The following FBLN1 variants were observed in gnomAD, a reference collection of about 807,000 sequenced individuals.
FBLN1 encodes fibulin 1, also known as fibulin-1.
Under a neutral mutation model 89.7 loss-of-function variants are expected in FBLN1, and 34 were observed. That is an observed-to-expected ratio of 0.38 (90% CI 0.29 to 0.50). The LOEUF (loss-of-function observed/expected upper bound fraction) is 0.50, where lower values mean the gene tolerates loss of function less well. Among genes scored for constraint, FBLN1 ranks in the 20% least tolerant of loss-of-function variants. The pLI is 0.92. For synonymous variants in FBLN1, 393 were observed against 391.3 expected, an observed-to-expected ratio of 1.00 and a Z score of -0.05; for missense variants, 777 against 988.1, an observed-to-expected ratio of 0.79 and a Z score of 2.86.
chr22:45,563,111 C>T lies in FBLN1; in HGVS notation c.1698-11400C>T, dbSNP rs766906122. 2.0e-5 allele frequency: 33 copies of T among 1,613,380 alleles called. No individual in the cohort carries two copies. The highest frequency in any genetic ancestry group is 3.3e-5 in the Admixed American group (2 of 60,016). ...CAATGAGGAGGGCTTTTTCACCACCCGGAAGGTGAGCCCCCACAGTGGGGT... is the reference window on the plus strand; with the variant it reads ...CAATGAGGAGGGCTTTTTCACCACCTGGAAGGTGAGCCCCCACAGTGGGGT... On this transcript the variant is annotated intron_variant, in intron 14 of 16. Coordinates refer to ENST00000327858, the MANE Select transcript of FBLN1 (RefSeq NM_006486.3). The surrounding 1 kb of genome is among the most constrained non-coding windows in gnomAD (Gnocchi z 5.7).
chr22:45,557,253 C>T lies in FBLN1; in HGVS notation c.1697+6638C>T, dbSNP rs573907862. On this transcript the variant is annotated intron_variant, in intron 14 of 16. Transcript: ENST00000327858. The surrounding 1 kb of genome is among the most constrained non-coding windows in gnomAD (Gnocchi z 4.9). ...GTGGATAAGGCATTCTGTGAACCCA[C>T]GGATGGTAGTCTTGGCAGAAGCATC... is the stretch of plus-strand genomic sequence containing the variant. Among the ~76,000 whole-genome samples the T allele has an allele frequency of 6.6e-6, 1 of 152,170 alleles. No individual in the cohort carries two copies. Among genetic ancestry groups the T allele is most frequent in the African/African-American group, 2.4e-5 (1 of 41,444 alleles).
intron 14 of FBLN1, among the ~76,000 whole-genome samples, chr22:45,552,319 G>A (rs908592760): frequency 2.0e-5 from 3 of 152,174 alleles, no homozygotes; most frequent in East Asian, 3.8e-4. Flanking sequence ...ACACATGTGC[G>A]GTGAAATGGG....
rs1383081437 is a variant in FBLN1 at position 45,562,320 on chromosome 22, C to T, written c.1697+11705C>T. On this transcript the variant is annotated intron_variant, in intron 14 of 16. Transcript: ENST00000327858. The surrounding 1 kb of genome is among the most constrained non-coding windows in gnomAD (Gnocchi z 7.8). ...CAATGGCTGAGTAGCGATATGGCTC[C>T]CTCACTCACTCTGTGACCTTGGGAA... Among the ~76,000 whole-genome samples the T allele has an allele frequency of 6.6e-6, 1 of 152,224 alleles. No individual in the cohort carries two copies. Among genetic ancestry groups the T allele is most frequent in the Non-Finnish European group, 1.5e-5 (1 of 68,030 alleles).
chr22:45,556,276 G>A lies in FBLN1; in HGVS notation c.1697+5661G>A, dbSNP rs975485915. On this transcript the variant is annotated intron_variant, in intron 14 of 16. Transcript: ENST00000327858. The surrounding 1 kb of genome is among the most constrained non-coding windows in gnomAD (Gnocchi z 4.6). ...CTCCCAAAATGCTGGGATTACAGTC[G>A]TGAGCCACAGCACCTGGCCATGTTT... is the stretch of plus-strand genomic sequence containing the variant. Among the ~76,000 whole-genome samples the A allele has an allele frequency of 6.6e-6, 1 of 152,120 alleles. No homozygotes were observed. The highest frequency in any genetic ancestry group is 1.5e-5 in the Non-Finnish European group (1 of 68,032).
chr22:45,556,666 G>A lies in FBLN1; in HGVS notation c.1697+6051G>A, dbSNP rs902021540. 6.6e-6 allele frequency among the ~76,000 whole-genome samples: 1 copy of A among 152,070 alleles called. No homozygotes were observed. The highest frequency in any genetic ancestry group is 2.4e-5 in the African/African-American group (1 of 41,408). On this transcript the variant is annotated intron_variant, in intron 14 of 16. Transcript: ENST00000327858. This position sits in a 1 kb window ranked among gnomAD's most constrained non-coding sequence, Gnocchi z 4.6. ...GACTGATTTCATCTTGATAGTCTGG[G>A]TCAGCCACCCCAGCCAACACTGTAA...
chr22:45,526,961 A>G (rs1265875845), intron 3 of FBLN1, among the ~76,000 whole-genome samples: 1 of 152,172 alleles, frequency 6.6e-6, no homozygotes, highest in Non-Finnish European at 1.5e-5. Flanking sequence ...GTGGGAACAG[A>G]TCTCTCTGGC....
chr22:45,553,525 T>G (rs73442939), intron 14 of FBLN1, among the ~76,000 whole-genome samples: 2 of 152,356 alleles, frequency 1.3e-5, no homozygotes, highest in South Asian at 4.1e-4. Flanking sequence ...CAGACAGTTA[T>G]GTTTCTGGTG....
At chr22:45,512,803 G>A (rs758419418) in intron 1 of FBLN1, among the ~76,000 whole-genome samples, 69 of 152,212 alleles carry the variant, frequency 4.5e-4, no homozygotes, top group Middle Eastern at 3.4e-3. Flanking sequence ...TGTCCCCCAG[G>A]CTGGAGTGTA....
chr22:45,597,892 A>AT lies in FBLN1; in HGVS notation c.1973-2415_1973-2414insT, dbSNP rs752897202. On this transcript the variant is annotated intron_variant, in intron 16 of 16. Coordinates refer to ENST00000327858, the MANE Select transcript of FBLN1 (RefSeq NM_006486.3). The surrounding 1 kb of genome is among the most constrained non-coding windows in gnomAD (Gnocchi z 4.2). ...TTGAAACATAAGCCCAGAGAGCGAA[A>AT]GGGGGGAACGTTGTGCCCAGATTCT... Among the ~76,000 whole-genome samples the AT allele has an allele frequency of 7.9e-5, 12 of 152,136 alleles. No individual in the cohort carries two copies. Among genetic ancestry groups the AT allele is most frequent in the Non-Finnish European group, 1.5e-4 (10 of 68,018 alleles).
At chr22:45,599,090 C>T (rs1286825427) in intron 16 of FBLN1, among the ~76,000 whole-genome samples, 1 of 152,232 alleles carries the variant, frequency 6.6e-6, no homozygotes, top group Non-Finnish European at 1.5e-5. Context: ...TACCCGCTAA[C>T]CCGGATCCCC....
rs2089034292 is a variant in FBLN1 at position 45,580,615 on chromosome 22, G to A, written c.1972+3507G>A. On this transcript the variant is annotated intron_variant, in intron 16 of 16. Coordinates refer to ENST00000327858, the MANE Select transcript of FBLN1 (RefSeq NM_006486.3). The surrounding 1 kb of genome is among the most constrained non-coding windows in gnomAD (Gnocchi z 8.6). ...ATTTGCCCGAGGCCACTCAGAGCTG[G>A]GGCCAGAGCGGGCCTGGAGCCCGGT... Among the ~76,000 whole-genome samples, 1 of 152,244 alleles carries A rather than the reference G, an allele frequency of 6.6e-6. No individual in the cohort carries two copies. Among genetic ancestry groups the A allele is most frequent in the Admixed American group, 6.5e-5 (1 of 15,282 alleles).
intron 16 of FBLN1, among the ~76,000 whole-genome samples, chr22:45,596,202 G>A (rs2089184812): frequency 6.6e-6 from 1 of 152,208 alleles, no homozygotes; most frequent in Non-Finnish European, 1.5e-5. Flanking sequence ...GTTCATAGAA[G>A]AGGAAATTGA....
rs1272929182 is a variant in FBLN1 at position 45,588,275 on chromosome 22, T to G, written c.1972+11167T>G. On this transcript the variant is annotated intron_variant, in intron 16 of 16. Coordinates refer to ENST00000327858, the MANE Select transcript of FBLN1 (RefSeq NM_006486.3). The surrounding 1 kb of genome is among the most constrained non-coding windows in gnomAD (Gnocchi z 5.1). Reference sequence around the variant, plus strand: ...GCTCCAGGCAGAGGGAATGGCAGAGTGCTGGAGTGGCCATGCCTGGGGAAC... The same window carrying G: ...GCTCCAGGCAGAGGGAATGGCAGAGGGCTGGAGTGGCCATGCCTGGGGAAC... 6.6e-6 allele frequency among the ~76,000 whole-genome samples: 1 copy of G among 152,038 alleles called. No individual in the cohort carries two copies. The highest frequency in any genetic ancestry group is 1.5e-5 in the Non-Finnish European group (1 of 67,982).
intron 8 of FBLN1, among the ~76,000 whole-genome samples, chr22:45,540,191 G>A (rs1320956817): frequency 6.6e-6 from 1 of 152,188 alleles, no homozygotes; most frequent in Non-Finnish European, 1.5e-5. Flanking sequence ...CTAGACCTAG[G>A]CCCTGGTTGG....
intron 16 of FBLN1, among the ~76,000 whole-genome samples, chr22:45,593,244 T>C (rs888988962): frequency 1.5e-5 from 2 of 129,518 alleles, no homozygotes; most frequent in African/African-American, 5.9e-5. Context: ...AGCTGAAAGA[T>C]GGCTTCGAGA....
rs546767269 is a variant in FBLN1 at position 45,600,129 on chromosome 22, A to T, written c.1973-178A>T. Among the ~76,000 whole-genome samples the T allele has an allele frequency of 1.4e-4, 21 of 152,346 alleles. No homozygotes were observed. In the South Asian group the frequency reaches 4.1e-3, roughly 30 times the overall value. On this transcript the variant is annotated intron_variant, in intron 16 of 16. Coordinates refer to ENST00000327858, the MANE Select transcript of FBLN1 (RefSeq NM_006486.3). ...TCCCTGGAGGCAGGAGCAGAGCCTG[A>T]GCTGACCACTTGGAAGGAGATGTTA...
At chr22:45,599,923 CAAA>C (rs1187221115) in intron 16 of FBLN1, among the ~76,000 whole-genome samples, 2 of 152,164 alleles carry the variant, frequency 1.3e-5, no homozygotes, top group Non-Finnish European at 2.9e-5. Flanking sequence ...GTCGCAAAAA[CAAA>C]AGACAAACAA....
In FBLN1 at chr22:45,575,423, T is replaced by C. The variant is rs770310803; in HGVS notation, c.1840+770T>C. ...GAGAAACTGAGCCAAGGTTTTCTGC[T>C]GGAGCGCTAGAGGCTTGGCAAGAGG... On this transcript the variant is annotated intron_variant, in intron 15 of 16. Coordinates refer to ENST00000327858, the MANE Select transcript of FBLN1 (RefSeq NM_006486.3). This position sits in a 1 kb window ranked among gnomAD's most constrained non-coding sequence, Gnocchi z 6.3. Among the ~76,000 whole-genome samples the C allele has an allele frequency of 7.9e-5, 12 of 152,044 alleles. No homozygotes were observed. Among genetic ancestry groups the C allele is most frequent in the Admixed American group, 3.3e-4 (5 of 15,266 alleles).
rs567505678 is a variant in FBLN1, at chr22:45,598,079, G to C, written c.1973-2228G>C. Among the ~76,000 whole-genome samples, 46 of 152,330 alleles carry C rather than the reference G, an allele frequency of 3.0e-4. 2 individuals carry two copies. The South Asian group carries it at 9.1e-3, about 30-fold the overall frequency. ...CGTTTCCTAAGCCTGCAGAGGAACTGTTCACAGAATCCAGCCTGGAATCAG... is the reference window on the plus strand; with the variant it reads ...CGTTTCCTAAGCCTGCAGAGGAACTCTTCACAGAATCCAGCCTGGAATCAG... On this transcript the variant is annotated intron_variant, in intron 16 of 16. Transcript: ENST00000327858.
Sources: gnomAD v4.1 joint callset for allele counts (sites outside exome capture counted in the v4.1 genomes callset) on GRCh38, gnomAD v4.1.1 for gene constraint, Gnocchi (gnomAD v3.1) non-coding constraint, MANE v1.5 for transcripts, NCBI Gene and HGNC (gene_info 2026-07-23, HGNC 2026-07-21) for gene names.